FARP1: variants seen among roughly 807,000 people sequenced by gnomAD.
FARP1 encodes FERM, ARHGEF and pleckstrin domain-containing protein 1.
A neutral mutation model predicts 128.8 loss-of-function variants in FARP1; 52 were observed. That is an observed-to-expected ratio of 0.40 (90% CI 0.32 to 0.51). The LOEUF is 0.51. FARP1 is among the 20% of genes least tolerant of loss of function. The pLI is 0.45. For missense variants in FARP1, 1,333 were observed against 1,367.9 expected (o/e 0.97, Z 0.40); for synonymous variants, 580 against 551.8 (o/e 1.05, Z -0.72).
At chr13:98,157,617 C>T (rs1876582123) in intron 1 of FARP1, among the ~76,000 whole-genome samples, 1 of 152,216 alleles carries the variant, frequency 6.6e-6, no homozygotes. Flanking sequence ...TGAGTTCTAA[C>T]AGCCCAACCA....
At chr13:98,409,113 A>G (rs1341060621) in intron 13 of FARP1, among the ~76,000 whole-genome samples, 1 of 152,154 alleles carries the variant, frequency 6.6e-6, no homozygotes, top group Non-Finnish European at 1.5e-5. Flanking sequence ...TCTCTATCTT[A>G]TCATTAATTA....
At chr13:98,259,716 A>T (rs1357183359) in intron 2 of FARP1, among the ~76,000 whole-genome samples, 6 of 152,032 alleles carry the variant, frequency 3.9e-5, no homozygotes, top group Non-Finnish European at 8.8e-5. Context: ...TTGGAGCTTG[A>T]CTTATTGCAT....
At chr13:98,186,703 T>A (rs572176089) in intron 1 of FARP1, among the ~76,000 whole-genome samples, 2 of 152,024 alleles carry the variant, frequency 1.3e-5, no homozygotes, top group Non-Finnish European at 2.9e-5. Flanking sequence ...TGAATAAAGA[T>A]GATATGGGCC....
At chr13:98,177,255 C>T in intron 1 of FARP1, 12 of 1,529,940 alleles carry the variant, frequency 7.8e-6, no homozygotes, top group Non-Finnish European at 1.1e-5. Flanking sequence ...CTCAGGCTCC[C>T]AACGGCCGTG....
chr13:98,292,800 C>A (rs1885509870), intron 2 of FARP1, among the ~76,000 whole-genome samples: 1 of 152,116 alleles, frequency 6.6e-6, no homozygotes, highest in African/African-American at 2.4e-5. Flanking sequence ...GTGGCATGAT[C>A]TTGGTGGTGT....
chr13:98,312,027 G>A (rs554448813), intron 2 of FARP1, among the ~76,000 whole-genome samples: 33 of 150,784 alleles, frequency 2.2e-4, no homozygotes, highest in African/African-American at 8.0e-4. Context: ...TATTTTTTTA[G>A]GTAGAGACAG....
intron 1 of FARP1, among the ~76,000 whole-genome samples, chr13:98,184,711 T>G (rs1878746144): frequency 6.6e-6 from 1 of 152,252 alleles, no homozygotes; most frequent in Non-Finnish European, 1.5e-5. Context: ...CTTTACATTT[T>G]CTCAGTGATC....
chr13:98,414,341 A>G (rs1225558480), intron 16 of FARP1, among the ~76,000 whole-genome samples: 1 of 148,682 alleles, frequency 6.7e-6, no homozygotes, highest in African/African-American at 2.5e-5. Context: ...CCTTTCAACA[A>G]TAGACCTAAA....
intron 2 of FARP1, among the ~76,000 whole-genome samples, chr13:98,343,374 A>G (rs1420854417): frequency 6.6e-6 from 1 of 152,202 alleles, no homozygotes; most frequent in Non-Finnish European, 1.5e-5. Context: ...ATGCTGTGTC[A>G]ATATTGGCTC....
At chr13:98,256,951 A>ATATATATATATATATATATATGTG (rs1883632948) in intron 2 of FARP1, among the ~76,000 whole-genome samples, 1 of 31,710 alleles carries the variant, frequency 3.2e-5, no homozygotes, top group Non-Finnish European at 4.9e-5. Flanking sequence ...ATATGTGGAT[A>ATATATATATATATATATATATGTG]TATATATATA....
chr13:98,146,479 C>T (rs1303901534), intron 1 of FARP1, among the ~76,000 whole-genome samples: 8 of 152,218 alleles, frequency 5.3e-5, no homozygotes, highest in East Asian at 1.9e-4. Flanking sequence ...TTGCCCGCTT[C>T]GGCCTCTCAA....
chr13:98,453,400 C>A lies in FARP1; in HGVS notation c.*5083C>A, dbSNP rs79491728. The A allele has an allele frequency of 1.8e-3, 1,093 of 603,970 alleles. 26 individuals carry two copies. The East Asian group carries it at 0.032, about 18-fold the overall frequency. 37.4% of individuals were successfully genotyped at this position (603,970 alleles called of 1,614,324 possible). On this transcript the variant is annotated 3_prime_UTR_variant, in exon 27 of 27. Coordinates refer to ENST00000319562, the MANE Select transcript of FARP1 (RefSeq NM_005766.4). ...AAGACTGAGAAGATCATGATTCTTA[C>A]ACAAAAACTCCAGAGCATGTCACCA...
chr13:98,286,657 AT>A, intron 2 of FARP1, among the ~76,000 whole-genome samples: 1 of 152,224 alleles, frequency 6.6e-6, no homozygotes, highest in African/African-American at 2.4e-5. Context: ...GTTTCCCTTT[AT>A]CAGCAGCGTG....
chr13:98,275,666 C>T (rs1283526583), intron 2 of FARP1, among the ~76,000 whole-genome samples: 1 of 142,826 alleles, frequency 7.0e-6, no homozygotes, highest in Non-Finnish European at 1.5e-5. Context: ...AAAGACTGAG[C>T]TGAACGATTG....
chr13:98,411,327 G>A (rs1891186512), intron 15 of FARP1, among the ~76,000 whole-genome samples: 2 of 152,216 alleles, frequency 1.3e-5, no homozygotes, highest in Admixed American at 1.3e-4. Context: ...TTCTGGGAAA[G>A]CACAAGCCAA....
At chr13:98,377,474 C>A (rs1167133502) in intron 5 of FARP1, among the ~76,000 whole-genome samples, 1 of 151,648 alleles carries the variant, frequency 6.6e-6, no homozygotes, top group African/African-American at 2.4e-5. Flanking sequence ...AGCCATAGAA[C>A]CATGTTAGAG....
intron 24 of FARP1, among the ~76,000 whole-genome samples, chr13:98,442,709 C>G (rs145095522): frequency 0.011 from 1,741 of 152,280 alleles, 24 homozygotes; most frequent in Non-Finnish European, 0.014. Flanking sequence ...ACCCCCGAAG[C>G]GGAGGAGCAG....
At chr13:98,229,163 C>T (rs756417670) in intron 2 of FARP1, among the ~76,000 whole-genome samples, 21 of 152,202 alleles carry the variant, frequency 1.4e-4, no homozygotes, top group Non-Finnish European at 2.8e-4. Flanking sequence ...GTTAATTCCT[C>T]GCTAGTGACA....
At chr13:98,438,920 C>T (rs1892407696) in intron 20 of FARP1, 48 bp downstream of exon 20, 4 of 1,589,316 alleles carry the variant, frequency 2.5e-6, no homozygotes, top group Non-Finnish European at 3.5e-6. Flanking sequence ...GTCACCTGGG[C>T]AAGCAAGGCT....
Sources: gnomAD v4.1 joint callset for allele counts (sites outside exome capture counted in the v4.1 genomes callset) on GRCh38, gnomAD v4.1.1 for gene constraint, MANE v1.5 for transcripts, NCBI Gene and HGNC (gene_info 2026-07-23, HGNC 2026-07-21) for gene names.